The following KIF5C variants were observed in gnomAD, a reference collection of about 807,000 sequenced individuals.
The protein encoded by KIF5C is kinesin heavy chain isoform 5C.
Under a neutral mutation model 125.2 loss-of-function variants are expected in KIF5C, and 18 were observed. The observed-to-expected ratio is 0.14, with a 90% CI of 0.10 to 0.21. The LOEUF is 0.21. KIF5C is among the 10% of genes least tolerant of loss of function. KIF5C has a pLI of 1.00. For missense variants in KIF5C, 780 were observed against 1,183.8 expected (o/e 0.66, Z 5.01); for synonymous variants, 405 against 434.0 (o/e 0.93, Z 0.83).
chr2:148,985,684 T>A (rs182635896), intron 15 of KIF5C, among the ~76,000 whole-genome samples: 1 of 152,356 alleles, frequency 6.6e-6, no homozygotes, highest in East Asian at 1.9e-4. Context: ...AAGGCTGAAT[T>A]CTACATCAGT....
chr2:149,021,264 T>C lies in KIF5C; in HGVS notation c.*8-1814T>C, dbSNP rs572267470. Among the ~76,000 whole-genome samples the C allele has an allele frequency of 5.3e-5, 8 of 152,280 alleles. No individual in the cohort carries two copies. The East Asian group carries it at 1.2e-3, about 22-fold the overall frequency. On this transcript the variant is annotated intron_variant, in intron 25 of 25. Coordinates refer to ENST00000435030, the MANE Select transcript of KIF5C (RefSeq NM_004522.3). ...TTTTAGTAGAGATGGGGTTTCACCA[T>C]GTTGGCTGGGCTGGTTTCAAACTCC...
At chr2:148,979,272 A>T (rs1263408991) in intron 13 of KIF5C, among the ~76,000 whole-genome samples, 1 of 152,180 alleles carries the variant, frequency 6.6e-6, no homozygotes, top group African/African-American at 2.4e-5. Context: ...GTGATCAAGC[A>T]AGGATGATCC....
intron 10 of KIF5C, among the ~76,000 whole-genome samples, chr2:148,959,768 AC>A (rs1411623761): frequency 6.6e-6 from 1 of 152,038 alleles, no homozygotes; most frequent in African/African-American, 2.4e-5. Context: ...GTTATGTTAC[AC>A]CCGTGGGGAA....
Position 148,896,618 on chromosome 2 carries a change from C to G in KIF5C, c.126+20875C>G, listed in dbSNP as rs1297557650. On this transcript the variant is annotated intron_variant, in intron 1 of 25. Transcript: ENST00000435030. ...AACAGAGAATGAAAGGGAGGTAATT[C>G]TCTTAGCATCATTATGCCTTGCTGG... Among the ~76,000 whole-genome samples, 5 of 152,108 alleles carry G rather than the reference C, an allele frequency of 3.3e-5. No individual in the cohort carries two copies. The East Asian group carries it at 7.7e-4, about 23-fold the overall frequency.
intron 11 of KIF5C, among the ~76,000 whole-genome samples, chr2:148,968,252 G>A (rs1202024567): frequency 6.6e-6 from 1 of 152,118 alleles, no homozygotes; most frequent in Non-Finnish European, 1.5e-5. Context: ...TTTCATCACA[G>A]GCTGAGAAAG....
chr2:148,937,289 G>A lies in KIF5C; in HGVS notation c.297G>A (p.Lys99=). 1.3e-6 allele frequency: 2 copies of A among 1,591,728 alleles called. No homozygotes were observed. The highest frequency in any genetic ancestry group is 1.7e-6 in the Non-Finnish European group (2 of 1,167,960). Residue 99 remains lysine (K), a synonymous_variant, in exon 4 of 26, where the codon AAG becomes AAA. Coordinates refer to ENST00000435030, the MANE Select transcript of KIF5C (RefSeq NM_004522.3). ...TTTGTATTTTCGCCCACTAGGGGAA[G>A]CTGCATGACCCCCAGCTCATGGGGA... ...SSGKTHTMEG[K]LHDPQLMGII...
In KIF5C at chr2:149,024,529, TGTG is replaced by T. The variant is rs1682630885; in HGVS notation, c.*1460_*1462del. ...AAGGTAGCTCAAGTGTGTGTGTGTG[TGTG>T]TGTGTGTGTGTGTGTGTGTGTGTGT... On this transcript the variant is annotated 3_prime_UTR_variant, in exon 26 of 26. Transcript: ENST00000435030. 5 of 146,676 alleles carry T rather than the reference TGTG, an allele frequency of 3.4e-5. No homozygotes were observed. In the East Asian group the frequency reaches 9.8e-4, roughly 29 times the overall value. The allele number at this position is 146,676 out of a possible 1,614,324, so 9.1% of individuals were successfully genotyped here. A position where few individuals can be genotyped will look rare whatever the true frequency, so the allele number is the denominator to read the frequency against.
At chr2:148,941,321 C>T (rs145773509) in intron 4 of KIF5C, among the ~76,000 whole-genome samples, 215 of 152,284 alleles carry the variant, frequency 1.4e-3, no homozygotes, top group African/African-American at 5.0e-3. Context: ...AACTTAAAGC[C>T]TAGAGTCCTC....
rs1475082265 is a variant in KIF5C at position 149,010,356 on chromosome 2, G to T, written c.2767+5G>T. On this transcript the variant is annotated splice_donor_5th_base_variant and intron_variant, in intron 24 of 25. Coordinates refer to ENST00000435030, the MANE Select transcript of KIF5C (RefSeq NM_004522.3). ...GGGCCCATTCAGCCCAGATCGGTAC[G>T]TGCGTGCACAGTGGCGCCCGGGGTT... 6.4e-7 allele frequency: 1 copy of T among 1,553,840 alleles called. No individual in the cohort carries two copies. Among genetic ancestry groups the T allele is most frequent in the African/African-American group, 1.4e-5 (1 of 72,926 alleles).
At chr2:149,009,137 G>A (rs971077024) in intron 23 of KIF5C, among the ~76,000 whole-genome samples, 9 of 151,112 alleles carry the variant, frequency 6.0e-5, no homozygotes, top group South Asian at 2.1e-4. Flanking sequence ...TTACAGGTGC[G>A]CGCCACCACT....
At chr2:148,883,526 TACTA>T (rs1333028442) in intron 1 of KIF5C, 1 of 152,060 alleles carries the variant, frequency 6.6e-6, no homozygotes, top group Admixed American at 6.6e-5. Flanking sequence ...CATTTAATTT[TACTA>T]ACCAGAAAAC....
chr2:148,889,654 G>A (rs1681650492), intron 1 of KIF5C, among the ~76,000 whole-genome samples: 1 of 152,188 alleles, frequency 6.6e-6, no homozygotes, highest in South Asian at 2.1e-4. Context: ...TAGATGATCC[G>A]GCACTATGTT....
intron 1 of KIF5C, among the ~76,000 whole-genome samples, chr2:148,893,032 C>A (rs1325346047): frequency 4.6e-5 from 7 of 152,130 alleles, no homozygotes; most frequent in Non-Finnish European, 7.4e-5. Flanking sequence ...ATCAGTGATA[C>A]TTAGAACCCT....
At chr2:148,985,011 C>T (rs946080746) in intron 15 of KIF5C, among the ~76,000 whole-genome samples, 72 of 152,062 alleles carry the variant, frequency 4.7e-4, no homozygotes, top group African/African-American at 1.6e-3. Flanking sequence ...CCATATTGGC[C>T]AGGCTGGTCT....
At chr2:148,965,470 C>A (rs993233275) in intron 11 of KIF5C, among the ~76,000 whole-genome samples, 12 of 152,048 alleles carry the variant, frequency 7.9e-5, no homozygotes, top group African/African-American at 2.9e-4. Context: ...TTTCTAGGGG[C>A]AAAGTTCTTA....
intron 14 of KIF5C, among the ~76,000 whole-genome samples, chr2:148,982,109 C>G (rs970599424): frequency 2.0e-5 from 3 of 152,216 alleles, no homozygotes; most frequent in African/African-American, 7.2e-5. Flanking sequence ...CTTGCTTATA[C>G]CCTCCTGAAT....
intron 4 of KIF5C, among the ~76,000 whole-genome samples, chr2:148,939,463 A>G (rs1446705296): frequency 1.3e-5 from 2 of 152,198 alleles, no homozygotes; most frequent in East Asian, 3.9e-4. Context: ...TAAATAGCTT[A>G]AACTACTGCA....
intron 3 of KIF5C, among the ~76,000 whole-genome samples, chr2:148,933,312 C>T (rs1204306087): frequency 6.6e-6 from 1 of 152,080 alleles, no homozygotes; most frequent in Non-Finnish European, 1.5e-5. Flanking sequence ...TATCCCACTT[C>T]TTACTGCCCG....
intron 11 of KIF5C, among the ~76,000 whole-genome samples, chr2:148,966,361 C>T (rs111395228): frequency 1.1e-4 from 16 of 149,498 alleles, no homozygotes; most frequent in African/African-American, 2.0e-4. Flanking sequence ...TGTGCGCGCG[C>T]GCACACACAC....
Sources: gnomAD v4.1 joint callset for allele counts (sites outside exome capture counted in the v4.1 genomes callset) on GRCh38, gnomAD v4.1.1 for gene constraint, MANE v1.5 for transcripts, NCBI Gene and HGNC (gene_info 2026-07-23, HGNC 2026-07-21) for gene names.